The following RANBP2 variants were observed in gnomAD, a reference collection of about 807,000 sequenced individuals.
RANBP2 encodes the protein RAN binding protein 2.
In RANBP2, 57 loss-of-function variants were observed where a neutral mutation model predicts 303.6. That is an observed-to-expected ratio of 0.19 (90% CI 0.15 to 0.23). The LOEUF (loss-of-function observed/expected upper bound fraction) is 0.23, where lower values mean the gene tolerates loss of function less well. Among genes scored for constraint, RANBP2 ranks in the 10% least tolerant of loss-of-function variants. The pLI, the probability that RANBP2 is intolerant of heterozygous loss-of-function variation, is 1.00. For missense variants in RANBP2, 3,138 were observed against 3,780.8 expected (o/e 0.83, Z 4.46); for synonymous variants, 1,167 against 1,301.5 (o/e 0.90, Z 2.23).
At chr2:109,297,081 G>C in the RANBP2 span, among the ~76,000 whole-genome samples, 8 of 152,042 alleles carry the variant, frequency 5.3e-5, no homozygotes, top group African/African-American at 1.2e-4. Flanking sequence ...TGGTCCAGGT[G>C]GGGGGTGACC....
At position 108,752,054 on chromosome 2, in the gene RANBP2, AC is replaced by A; in HGVS notation, c.1755+61del. The A allele has an allele frequency of 3.1e-6, 5 of 1,603,008 alleles. No homozygotes were observed. In the South Asian group the frequency reaches 5.6e-5, roughly 18 times the overall value. On this transcript the variant is annotated intron_variant, in intron 12 of 28. Coordinates refer to ENST00000283195, the MANE Select transcript of RANBP2 (RefSeq NM_006267.5). ...TTACCTTAATTTTTTAAAATCATGA[AC>A]TTTTTATTGAAAGTTTTTTTGTTCT...
chr2:108,991,144 CTT>C, the RANBP2 span, among the ~76,000 whole-genome samples: 1 of 152,052 alleles, frequency 6.6e-6, no homozygotes, highest in African/African-American at 2.4e-5. Flanking sequence ...TTTTTCCTCT[CTT>C]TGAAAAAAAT....
rs150151795 is a variant in RANBP2, at chr2:108,763,709, C to T, written c.3170C>T (p.Pro1057Leu). 144 of 1,613,970 alleles carry T rather than the reference C, an allele frequency of 8.9e-5. No individual in the cohort carries two copies. The highest frequency in any genetic ancestry group is 1.2e-4 in the Non-Finnish European group (139 of 1,179,986). Residue 1057 changes from proline (P) to leucine (L), a missense_variant, in exon 20 of 29, where the codon CCT becomes CTT. Pro to Leu is a moderately conservative substitution (Grantham distance 98, BLOSUM62 -3). Around this residue, in one of 20 missense-constraint regions of RANBP2, gnomAD observed 403 missense variants for 376.7 expected, o/e 1.07. Transcript: ENST00000283195. ...CCACAGGTTGTGACACAGCCCCCTC[C>T]TGCAGCTTACAGTAACAGTGAAAGC... ...SSPQVVTQPP[P>L]AAYSNSESLL...
At chr2:109,082,671 C>T in the RANBP2 span, among the ~76,000 whole-genome samples, 6 of 152,200 alleles carry the variant, frequency 3.9e-5, no homozygotes, top group African/African-American at 9.6e-5. Context: ...CCATTTTGAG[C>T]GGGCACAGTG....
chr2:109,502,476 G>A, the RANBP2 span: 1 of 152,192 alleles, frequency 6.6e-6, no homozygotes, highest in Non-Finnish European at 1.5e-5. Context: ...CGACATCAAA[G>A]GGGCAGAATT....
the RANBP2 span, among the ~76,000 whole-genome samples, chr2:109,724,064 G>T: frequency 6.6e-6 from 1 of 152,292 alleles, no homozygotes; most frequent in Non-Finnish European, 1.5e-5. Flanking sequence ...GTTTGTCAAA[G>T]ATCAGATGGT....
intron 23 of RANBP2, 39 bp downstream of exon 23, chr2:108,773,085 T>C: frequency 1.9e-6 from 3 of 1,560,094 alleles, no homozygotes; most frequent in Non-Finnish European, 2.6e-6. Flanking sequence ...CTAGTTCCAT[T>C]GCCTTTGTTG....
chr2:109,331,862 C>G, the RANBP2 span, among the ~76,000 whole-genome samples: 4 of 152,094 alleles, frequency 2.6e-5, no homozygotes, highest in African/African-American at 9.7e-5. Flanking sequence ...CTGGGGTCTC[C>G]CCTGAGGAGA....
chr2:109,664,652 G>A, the RANBP2 span, among the ~76,000 whole-genome samples: 4 of 148,766 alleles, frequency 2.7e-5, no homozygotes, highest in South Asian at 2.1e-4. Flanking sequence ...AATGTGGGCC[G>A]GGCACGGTGG....
chr2:109,630,826 T>C, the RANBP2 span, among the ~76,000 whole-genome samples: 1 of 152,116 alleles, frequency 6.6e-6, no homozygotes, highest in Non-Finnish European at 1.5e-5. Context: ...ATCAGTTTGG[T>C]AGGCCAAGAC....
chr2:108,923,824 C>A, the RANBP2 span, among the ~76,000 whole-genome samples: 1 of 152,252 alleles, frequency 6.6e-6, no homozygotes, highest in East Asian at 1.9e-4. Context: ...CAAGGCCAGA[C>A]CTTCCTGGAG....
chr2:109,019,006 C>A, the RANBP2 span, among the ~76,000 whole-genome samples: 1 of 152,168 alleles, frequency 6.6e-6, no homozygotes, highest in Non-Finnish European at 1.5e-5. Flanking sequence ...GCATTTAGGA[C>A]GTGTGATTGT....
chr2:109,237,959 G>A, the RANBP2 span, among the ~76,000 whole-genome samples: 5 of 152,170 alleles, frequency 3.3e-5, no homozygotes, highest in South Asian at 6.2e-4. Flanking sequence ...TTATGACCAC[G>A]CAATGGCTCA....
At chr2:109,350,061 G>A in the RANBP2 span, among the ~76,000 whole-genome samples, 2 of 152,252 alleles carry the variant, frequency 1.3e-5, no homozygotes, top group Non-Finnish European at 2.9e-5. Context: ...ATCACCAGGG[G>A]CAGGCCGGGC....
At chr2:109,251,883 G>C in the RANBP2 span, among the ~76,000 whole-genome samples, 1 of 152,014 alleles carries the variant, frequency 6.6e-6, no homozygotes, top group African/African-American at 2.4e-5. Flanking sequence ...TGGGTTCCAG[G>C]GTTCTAGACT....
the RANBP2 span, among the ~76,000 whole-genome samples, chr2:108,999,156 G>T: frequency 1.3e-5 from 2 of 152,182 alleles, no homozygotes; most frequent in Admixed American, 6.5e-5. Context: ...GCATTCTCCT[G>T]GCTTGGCTTC....
At chr2:109,648,400 G>A in the RANBP2 span, among the ~76,000 whole-genome samples, 5 of 152,290 alleles carry the variant, frequency 3.3e-5, 1 homozygote, top group African/African-American at 1.2e-4. Context: ...TGCCCAGGCT[G>A]GAATGCATGA....
chr2:108,998,886 A>AC, the RANBP2 span, among the ~76,000 whole-genome samples: 1 of 152,212 alleles, frequency 6.6e-6, no homozygotes, highest in Admixed American at 6.5e-5. Flanking sequence ...CTGAAGGCTG[A>AC]AAGCTGGGCC....
chr2:109,568,018 T>C, the RANBP2 span: 5 of 1,460,550 alleles, frequency 3.4e-6, no homozygotes, highest in South Asian at 2.8e-5. Flanking sequence ...TGAGGATTTT[T>C]TTTTTTAATC....
Sources: allele counts gnomAD v4.1 joint callset (sites outside exome capture counted in the v4.1 genomes callset), GRCh38; gene constraint gnomAD v4.1.1; regional missense constraint gnomAD v4.1.1; transcripts MANE v1.5; gene names NCBI Gene and HGNC (gene_info 2026-07-23, HGNC 2026-07-21).